B3GLCT: variants seen among roughly 807,000 people sequenced by gnomAD.
The protein encoded by B3GLCT is beta-1,3-glucosyltransferase.
B3GLCT carries 65 observed loss-of-function variants against 63.4 expected under a neutral mutation model. The ratio of observed to expected loss-of-function variants is 1.03; its 90% CI spans 0.84 to 1.26. B3GLCT has a LOEUF of 1.26. B3GLCT is among the 50% of genes most tolerant of loss of function. The probability of loss-of-function intolerance (pLI) is 0.00; values close to 1 mark genes in which losing one functional copy is unlikely to be tolerated. For missense variants in B3GLCT, 577 were observed against 604.8 expected, an observed-to-expected ratio of 0.95 and a Z score of 0.48; for synonymous variants, 233 against 219.2, an observed-to-expected ratio of 1.06 and a Z score of -0.55.
chr13:31,323,670 C>T (rs1262199314), intron 13 of B3GLCT, 81 bp from the exon 14 acceptor site: 2 of 1,530,606 alleles, frequency 1.3e-6, no homozygotes, highest in Non-Finnish European at 1.8e-6. Context: ...GGAGTAAAGT[C>T]CTGTTTCCCG....
intron 8 of B3GLCT, among the ~76,000 whole-genome samples, chr13:31,272,463 A>G (rs1214772182): frequency 6.6e-6 from 1 of 151,768 alleles, no homozygotes; most frequent in Non-Finnish European, 1.5e-5. Flanking sequence ...TGATCTGCCC[A>G]CCTTGGCCTC....
intron 7 of B3GLCT, among the ~76,000 whole-genome samples, chr13:31,263,703 C>T (rs1295373992): frequency 6.6e-6 from 1 of 152,128 alleles, no homozygotes; most frequent in Non-Finnish European, 1.5e-5. Context: ...AAGGTAGTCC[C>T]ACAGGAGACC....
At chr13:31,308,366 A>AC (rs1301721052) in intron 12 of B3GLCT, among the ~76,000 whole-genome samples, 6 of 145,332 alleles carry the variant, frequency 4.1e-5, no homozygotes, top group Non-Finnish European at 9.1e-5. Flanking sequence ...AAAAACAAAA[A>AC]AAAAAGCTAG....
chr13:31,291,938 A>G (rs1461799613), intron 12 of B3GLCT, among the ~76,000 whole-genome samples: 1 of 152,090 alleles, frequency 6.6e-6, no homozygotes, highest in Non-Finnish European at 1.5e-5. Flanking sequence ...TCAGTATGAT[A>G]TTGGCTGTGG....
intron 7 of B3GLCT, among the ~76,000 whole-genome samples, chr13:31,261,700 A>G (rs929660133): frequency 3.9e-5 from 6 of 152,310 alleles, no homozygotes; most frequent in East Asian, 1.9e-4. Flanking sequence ...TCTTTAGGGA[A>G]TGGAAAGTTG....
intron 13 of B3GLCT, among the ~76,000 whole-genome samples, chr13:31,320,633 AC>A (rs1462622373): frequency 2.0e-5 from 3 of 152,190 alleles, no homozygotes; most frequent in African/African-American, 7.2e-5. Flanking sequence ...TGGCAGTAGA[AC>A]TTCTCCCATT....
intron 12 of B3GLCT, among the ~76,000 whole-genome samples, chr13:31,301,868 T>A (rs1874238287): frequency 6.6e-6 from 1 of 152,208 alleles, no homozygotes; most frequent in Non-Finnish European, 1.5e-5. Flanking sequence ...TATTAAGACT[T>A]TTGTTTTAAC....
intron 12 of B3GLCT, among the ~76,000 whole-genome samples, chr13:31,313,390 A>T (rs1477002437): frequency 6.6e-6 from 1 of 152,236 alleles, no homozygotes; most frequent in Non-Finnish European, 1.5e-5. Flanking sequence ...ATGGACAATA[A>T]ACTACAGGTT....
chr13:31,309,403 C>T (rs1481079042), intron 12 of B3GLCT, among the ~76,000 whole-genome samples: 1 of 152,216 alleles, frequency 6.6e-6, no homozygotes, highest in Non-Finnish European at 1.5e-5. Context: ...CACCATCTGC[C>T]TGGAGATAGC....
intron 10 of B3GLCT, among the ~76,000 whole-genome samples, chr13:31,281,896 G>A (rs1446153781): frequency 6.6e-6 from 1 of 152,178 alleles, no homozygotes; most frequent in Non-Finnish European, 1.5e-5. Flanking sequence ...CTCCCTGGGG[G>A]TAAAAATGCA....
intron 12 of B3GLCT, among the ~76,000 whole-genome samples, chr13:31,310,633 G>T (rs2137921951): frequency 6.6e-6 from 1 of 152,332 alleles, no homozygotes; most frequent in African/African-American, 2.4e-5. Flanking sequence ...GCTGGAGTGG[G>T]GTGGCAGGAC....
chr13:31,247,016 T>G lies in B3GLCT; in HGVS notation c.271-7T>G, dbSNP rs1871226272. 6.2e-7 allele frequency: 1 copy of G among 1,607,576 alleles called. No individual in the cohort carries two copies. On this transcript the variant is annotated splice_region_variant and splice_polypyrimidine_tract_variant and intron_variant, in intron 4 of 14. Coordinates refer to ENST00000343307, the MANE Select transcript of B3GLCT (RefSeq NM_194318.4). The stretch of plus-strand genomic sequence containing the variant: ...ATACTTATCTTCTTTGATCATTGTT[T>G]TCTCAGGAGCTCCCCAGTGTCCTCC...
chr13:31,315,828 G>A (rs1257060210), intron 12 of B3GLCT, among the ~76,000 whole-genome samples: 1 of 152,214 alleles, frequency 6.6e-6, no homozygotes, highest in Non-Finnish European at 1.5e-5. Flanking sequence ...GCCTGGCCCA[G>A]GGCCCCACTG....
intron 9 of B3GLCT, among the ~76,000 whole-genome samples, chr13:31,276,206 G>T (rs988257277): frequency 6.6e-6 from 1 of 152,144 alleles, no homozygotes; most frequent in Non-Finnish European, 1.5e-5. Context: ...TGGGTCGCCA[G>T]TAAAGAGGCC....
At chr13:31,309,819 A>T (rs916916798) in intron 12 of B3GLCT, among the ~76,000 whole-genome samples, 1 of 152,218 alleles carries the variant, frequency 6.6e-6, no homozygotes, top group East Asian at 1.9e-4. Flanking sequence ...GTGATTGAAC[A>T]AGAAGCCCAT....
intron 2 of B3GLCT, among the ~76,000 whole-genome samples, chr13:31,220,623 G>A (rs1392180981): frequency 6.6e-6 from 1 of 152,200 alleles, no homozygotes; most frequent in Admixed American, 6.5e-5. Flanking sequence ...GGGGAAATTA[G>A]TCAAGACCAT....
intron 1 of B3GLCT, among the ~76,000 whole-genome samples, chr13:31,203,043 A>G (rs1191650267): frequency 6.6e-6 from 1 of 152,202 alleles, no homozygotes; most frequent in Non-Finnish European, 1.5e-5. Context: ...AATAATAGGT[A>G]TTAGCTTTTA....
intron 13 of B3GLCT, among the ~76,000 whole-genome samples, chr13:31,321,514 T>C (rs1487123494): frequency 6.6e-6 from 1 of 152,250 alleles, no homozygotes; most frequent in Non-Finnish European, 1.5e-5. Flanking sequence ...GTTTGTGACA[T>C]TTTTGTTTCA....
chr13:31,292,733 A>G (rs377287645), intron 12 of B3GLCT, among the ~76,000 whole-genome samples: 13 of 147,936 alleles, frequency 8.8e-5, no homozygotes, highest in African/African-American at 3.2e-4. Flanking sequence ...GCTAGCAGTC[A>G]ATTTTGTTAA....
Sources: gnomAD v4.1 joint callset for allele counts (sites outside exome capture counted in the v4.1 genomes callset) on GRCh38, gnomAD v4.1.1 for gene constraint, MANE v1.5 for transcripts, NCBI Gene and HGNC (gene_info 2026-07-23, HGNC 2026-07-21) for gene names.